Variants in HHLA2 observed in about 807,000 individuals in gnomAD.
The protein encoded by HHLA2 is HERV-H LTR-associating protein 2.
Under a neutral mutation model 45.9 loss-of-function variants are expected in HHLA2, and 48 were observed. That is an observed-to-expected ratio of 1.05 (90% CI 0.83 to 1.33). The LOEUF (loss-of-function observed/expected upper bound fraction) is 1.33, where lower values mean the gene tolerates loss of function less well. Among genes scored for constraint, HHLA2 ranks in the 40% most tolerant of loss-of-function variants. The probability of loss-of-function intolerance (pLI) is 0.00; values close to 1 mark genes in which losing one functional copy is unlikely to be tolerated. For synonymous variants in HHLA2, 161 were observed against 173.9 expected, an observed-to-expected ratio of 0.93 and a Z score of 0.59; for missense variants, 462 against 494.3, an observed-to-expected ratio of 0.93 and a Z score of 0.62.
intron 2 of HHLA2, among the ~76,000 whole-genome samples, chr3:108,311,426 AC>A (rs2081016374): frequency 6.6e-6 from 1 of 152,222 alleles, no homozygotes; most frequent in African/African-American, 2.4e-5. Flanking sequence ...AGTATTATTT[AC>A]CCAGATATAA....
Position 108,355,180 on chromosome 3 carries a change from TTAAG to T in HHLA2, c.486_489del (p.Ser163PhefsTer36). ...AAACAGCTTCTTAATATGCAGCGTGTTAAGTGTTTATCCTCGTCCAATTATCACG... is the reference window on the plus strand; with the variant it reads ...AAACAGCTTCTTAATATGCAGCGTGTTGTTTATCCTCGTCCAATTATCACG... On this transcript the variant is annotated frameshift_variant, in exon 6 of 11. Coordinates refer to ENST00000619531, the Ensembl canonical transcript of HHLA2. LOFTEE classifies it high-confidence loss of function. 1.2e-6 allele frequency: 2 copies of T among 1,613,734 alleles called. No individual in the cohort carries two copies. The highest frequency in any genetic ancestry group is 1.7e-6 in the Non-Finnish European group (2 of 1,179,780).
intron 8 of HHLA2, among the ~76,000 whole-genome samples, chr3:108,366,901 T>A: frequency 6.6e-6 from 1 of 152,198 alleles, no homozygotes; most frequent in South Asian, 2.1e-4. Context: ...ATCTATTTTG[T>A]TAATCTTTTC....
chr3:108,305,021 A>G (rs570805638), intron 1 of HHLA2, among the ~76,000 whole-genome samples: 2 of 152,182 alleles, frequency 1.3e-5, no homozygotes, highest in Non-Finnish European at 2.9e-5. Flanking sequence ...GTCTGTTTTT[A>G]TAGGGTTTTC....
At chr3:108,358,025 A>G (rs767972497) in exon 7 of HHLA2, 1 of 1,613,808 alleles carries the variant, frequency 6.2e-7, no homozygotes, top group South Asian at 1.1e-5. Context: ...CCCGATTCTC[A>G]TGGAACAAAG....
intron 10 of HHLA2, 200 bp from the exon 10 acceptor site, chr3:108,377,058 T>C (rs2082287583): frequency 1.8e-6 from 1 of 549,138 alleles, no homozygotes. Flanking sequence ...ATGAAACAGC[T>C]AGTAGGGAGA....
At chr3:108,355,056 C>T (rs17182659) in intron 5 of HHLA2, 59 bp from the exon 5 acceptor site, 76,585 of 1,509,378 alleles carry the variant, frequency 0.051, 2,238 homozygotes, top group Non-Finnish European at 0.058. Flanking sequence ...TCTGCACAGA[C>T]GGCCTATAAA....
intron 2 of HHLA2, among the ~76,000 whole-genome samples, chr3:108,316,057 C>T (rs1263452410): frequency 7.1e-6 from 1 of 141,240 alleles, no homozygotes; most frequent in Non-Finnish European, 1.5e-5. Flanking sequence ...AAATTTGAAA[C>T]AGCTTAGAAC....
At chr3:108,348,441 G>A (rs1343839115) in intron 3 of HHLA2, among the ~76,000 whole-genome samples, 1 of 152,256 alleles carries the variant, frequency 6.6e-6, no homozygotes, top group Admixed American at 6.5e-5. Context: ...TTTAAAGTGG[G>A]AAATGAAGAC....
intron 3 of HHLA2, among the ~76,000 whole-genome samples, chr3:108,330,522 T>G (rs981439755): frequency 1.3e-5 from 2 of 152,212 alleles, no homozygotes; most frequent in Non-Finnish European, 2.9e-5. Flanking sequence ...AGAGATTATT[T>G]GGGTGGCCCT....
chr3:108,355,483 C>T lies in HHLA2; in HGVS notation c.685+102C>T, dbSNP rs1195783043. ...GAAAGGAAGATGAAAGAAAAGAAAG[C>T]AAATCCATCTGCAGCGGTTAGAAGA... On this transcript the variant is annotated intron_variant, in intron 6 of 10. Transcript: ENST00000619531. 1.8e-5 allele frequency: 24 copies of T among 1,348,062 alleles called. No homozygotes were observed. In the Middle Eastern group the frequency reaches 6.3e-4, roughly 36 times the overall value. The allele number at this position is 1,348,062 out of a possible 1,614,324, so 83.5% of individuals were successfully genotyped here.
intron 2 of HHLA2, among the ~76,000 whole-genome samples, chr3:108,317,408 G>C (rs1369667933): frequency 6.6e-6 from 1 of 152,168 alleles, no homozygotes; most frequent in African/African-American, 2.4e-5. Flanking sequence ...AAGCAGGCAA[G>C]TGGAGGACTG....
chr3:108,342,812 T>C (rs1270945751), intron 3 of HHLA2, among the ~76,000 whole-genome samples: 1 of 152,204 alleles, frequency 6.6e-6, no homozygotes, highest in Non-Finnish European at 1.5e-5. Context: ...CTCTTCCTTA[T>C]AGGCCAGTGT....
At chr3:108,355,441 A>G in intron 6 of HHLA2, 60 bp downstream of exon 5, 1 of 1,521,012 alleles carries the variant, frequency 6.6e-7, no homozygotes, top group African/African-American at 1.4e-5. Flanking sequence ...GGTAATGGGG[A>G]CTGATTTGCA....
At chr3:108,352,258 T>A (rs1286530435) in intron 4 of HHLA2, among the ~76,000 whole-genome samples, 1 of 152,098 alleles carries the variant, frequency 6.6e-6, no homozygotes, top group Non-Finnish European at 1.5e-5. Context: ...ATTAGAGGGG[T>A]TTAGCAGAGC....
rs1321005199 is a variant in HHLA2 at position 108,333,240 on chromosome 3, T to G, written c.-27+4893T>G. Among the ~76,000 whole-genome samples, 5 of 152,096 alleles carry G rather than the reference T, an allele frequency of 3.3e-5. No individual in the cohort carries two copies. The South Asian group carries it at 6.2e-4, about 19-fold the overall frequency. ...TTATGTGGCTAATTCTGGTCCAGAG[T>G]CACATAGTCATTAAGTAGAGGTGAC... On this transcript the variant is annotated intron_variant, in intron 3 of 10. Transcript: ENST00000619531.
intron 8 of HHLA2, among the ~76,000 whole-genome samples, 174 bp downstream of exon 7, chr3:108,362,620 C>T (rs763769234): frequency 1.3e-5 from 2 of 152,146 alleles, no homozygotes; most frequent in African/African-American, 2.4e-5. Context: ...TCCACCTAAC[C>T]ATTCTACTTC....
chr3:108,335,288 C>G (rs1279862585), intron 3 of HHLA2, among the ~76,000 whole-genome samples: 1 of 152,152 alleles, frequency 6.6e-6, no homozygotes, highest in Non-Finnish European at 1.5e-5. Flanking sequence ...TGTTTACATG[C>G]CCACTGAGCC....
chr3:108,340,910 TCCTTCCTTCC>T lies in HHLA2; in HGVS notation c.-26-10877_-26-10868del, dbSNP rs770934450. On this transcript the variant is annotated intron_variant, in intron 3 of 10. Transcript: ENST00000619531. ...AAACTCTTTTCTTTTTTTTTTTTTT[TCCTTCCTTCC>T]TTCCTTCCTTCCTTCCTTCCTTCCT... is the stretch of plus-strand genomic sequence containing the variant. 4.3e-3 allele frequency among the ~76,000 whole-genome samples: 303 copies of T among 69,930 alleles called. 8 individuals are homozygous for T. Among genetic ancestry groups the T allele is most frequent in the Middle Eastern group, 0.023 (3 of 132 alleles). The allele number at this position is 69,930 out of a possible 152,430, so 45.9% of individuals were successfully genotyped here. A position where few individuals can be genotyped will look rare whatever the true frequency, so the allele number is the denominator to read the frequency against.
At chr3:108,323,443 C>A (rs548023222) in intron 2 of HHLA2, among the ~76,000 whole-genome samples, 2 of 152,072 alleles carry the variant, frequency 1.3e-5, no homozygotes, top group South Asian at 4.2e-4. Flanking sequence ...AAAGAAAAAT[C>A]CCTTCCCTAA....
Sources: gnomAD v4.1 joint callset for allele counts (sites outside exome capture counted in the v4.1 genomes callset) on GRCh38, gnomAD v4.1.1 for gene constraint, MANE v1.5 for transcripts, NCBI Gene and HGNC (gene_info 2026-07-23, HGNC 2026-07-21) for gene names.